Variants in PPP1R16B observed in about 807,000 individuals in gnomAD.
The protein encoded by PPP1R16B is protein phosphatase 1 regulatory subunit 16B, also known as protein phosphatase 1 regulatory inhibitor subunit 16B.
A neutral mutation model predicts 61.7 loss-of-function variants in PPP1R16B; 14 were observed. That is an observed-to-expected ratio of 0.23 (90% CI 0.15 to 0.35). The LOEUF (loss-of-function observed/expected upper bound fraction) is 0.35, where lower values mean the gene tolerates loss of function less well. Among genes scored for constraint, PPP1R16B ranks in the 10% least tolerant of loss-of-function variants. The pLI, the probability that PPP1R16B is intolerant of heterozygous loss-of-function variation, is 1.00. For missense variants in PPP1R16B, 547 were observed against 752.5 expected, an observed-to-expected ratio of 0.73 and a Z score of 3.19; for synonymous variants, 266 against 305.3, an observed-to-expected ratio of 0.87 and a Z score of 1.34.
intron 4 of PPP1R16B, 27 bp downstream of exon 4, chr20:38,895,737 A>G: frequency 1.3e-6 from 2 of 1,598,408 alleles, no homozygotes; most frequent in Non-Finnish European, 1.7e-6. Context: ...GCCCCAGAGC[A>G]GCCTCCCTCC....
In PPP1R16B at chr20:38,906,088, G is replaced by C; in HGVS notation, c.816G>C (p.Trp272Cys). Residue 272 changes from tryptophan to cysteine, a missense_variant, in exon 7 of 11, where the codon TGG becomes TGC. Trp to Cys is a radical substitution (Grantham distance 215). Transcript: ENST00000299824. ...GWEPLHAAAF[W>C]GQMQMAELLV... is the part of the protein sequence containing the mutation. ...AGCCCCTGCATGCAGCTGCCTTCTG[G>C]GGACAGGTAGTTCTCACCCACAGGG... The C allele has an allele frequency of 6.2e-7, 1 of 1,612,596 alleles. No individual in the cohort carries two copies. Among genetic ancestry groups the C allele is most frequent in the Non-Finnish European group, 8.5e-7 (1 of 1,179,768 alleles).
intron 1 of PPP1R16B, among the ~76,000 whole-genome samples, chr20:38,807,886 C>G (rs560988539): frequency 3.2e-4 from 49 of 152,080 alleles, no homozygotes; most frequent in South Asian, 1.2e-3. Context: ...GTGTCAAGGG[C>G]CCCGTGCCAT....
intron 1 of PPP1R16B, among the ~76,000 whole-genome samples, chr20:38,835,277 C>G (rs935310633): frequency 6.6e-6 from 1 of 152,166 alleles, no homozygotes; most frequent in African/African-American, 2.4e-5. Context: ...AATTCTGAGG[C>G]CTTGGATGTT....
chr20:38,897,892 A>G (rs1487014905), intron 4 of PPP1R16B, among the ~76,000 whole-genome samples: 1 of 152,122 alleles, frequency 6.6e-6, no homozygotes, highest in African/African-American at 2.4e-5. Flanking sequence ...GTCCATCTGT[A>G]TGTCTTCTTT....
At chr20:38,877,009 A>T (rs1051040442) in intron 2 of PPP1R16B, among the ~76,000 whole-genome samples, 5 of 151,746 alleles carry the variant, frequency 3.3e-5, no homozygotes, top group Middle Eastern at 3.2e-3. Flanking sequence ...TAAAGTTTTG[A>T]CTCTTTGTTT....
At chr20:38,914,795 G>A (rs1317363624) in intron 10 of PPP1R16B, among the ~76,000 whole-genome samples, 1 of 152,062 alleles carries the variant, frequency 6.6e-6, no homozygotes, top group African/African-American at 2.4e-5. Flanking sequence ...AGCCTCCCAT[G>A]TAGCTGAGCC....
intron 3 of PPP1R16B, among the ~76,000 whole-genome samples, chr20:38,893,106 A>G (rs1043778307): frequency 1.3e-5 from 2 of 152,288 alleles, no homozygotes; most frequent in African/African-American, 4.8e-5. Context: ...AAAAAGAGCA[A>G]TCCTCATAGG....
chr20:38,848,427 C>A (rs1483843003), intron 2 of PPP1R16B, among the ~76,000 whole-genome samples: 1 of 152,222 alleles, frequency 6.6e-6, no homozygotes, highest in Non-Finnish European at 1.5e-5. Context: ...AAGGGTAACT[C>A]TCCAACCTGT....
intron 3 of PPP1R16B, among the ~76,000 whole-genome samples, chr20:38,893,156 C>T (rs6065098): frequency 0.083 from 12,572 of 152,204 alleles, 735 homozygotes; most frequent in Non-Finnish European, 0.11. Context: ...ATGGCCAAAG[C>T]TTAGCAAGCT....
chr20:38,917,776 G>A (rs763774641), intron 10 of PPP1R16B, among the ~76,000 whole-genome samples: 1 of 152,110 alleles, frequency 6.6e-6, no homozygotes, highest in Non-Finnish European at 1.5e-5. Context: ...TATCTCCCCA[G>A]CCCTCAGCTT....
At chr20:38,843,473 T>C (rs984684258) in intron 2 of PPP1R16B, among the ~76,000 whole-genome samples, 1 of 152,242 alleles carries the variant, frequency 6.6e-6, no homozygotes, top group Admixed American at 6.5e-5. Flanking sequence ...TTCCCTGCCA[T>C]GTGGCCCTCT....
At chr20:38,891,383 C>T (rs971172658) in intron 3 of PPP1R16B, among the ~76,000 whole-genome samples, 3 of 151,916 alleles carry the variant, frequency 2.0e-5, no homozygotes, top group East Asian at 1.9e-4. Context: ...AAGCAGCACT[C>T]GATACTGGAT....
intron 4 of PPP1R16B, among the ~76,000 whole-genome samples, chr20:38,897,504 T>C (rs1568680255): frequency 2.0e-5 from 3 of 152,232 alleles, no homozygotes; most frequent in African/African-American, 4.8e-5. Flanking sequence ...CATCCATTCA[T>C]TGATGGACAC....
rs2085573935 is a variant in PPP1R16B at position 38,919,499 on chromosome 20, A to T, written c.*833A>T. On this transcript the variant is annotated 3_prime_UTR_variant, in exon 11 of 11. Transcript: ENST00000299824. Reference sequence around the variant, plus strand: ...AAGGGTGTGGGAGGGGGACAAGGTCAGTATTTACCAAAGTGTATCTGATTT... The same window carrying T: ...AAGGGTGTGGGAGGGGGACAAGGTCTGTATTTACCAAAGTGTATCTGATTT... The T allele has an allele frequency of 6.6e-6, 1 of 152,234 alleles. No individual in the cohort carries two copies. Among genetic ancestry groups the T allele is most frequent in the Non-Finnish European group, 1.5e-5 (1 of 68,042 alleles). 9.4% of individuals were successfully genotyped at this position (152,234 alleles called of 1,614,324 possible).
At chr20:38,867,407 G>A (rs2085097853) in intron 2 of PPP1R16B, among the ~76,000 whole-genome samples, 1 of 152,198 alleles carries the variant, frequency 6.6e-6, no homozygotes, top group African/African-American at 2.4e-5. Flanking sequence ...CTGGGATCTG[G>A]AGCGAGACCA....
Position 38,906,049 on chromosome 20 carries a change from C to G in PPP1R16B, c.777C>G (p.Asp259Glu). ...ATGGAGTGCGTGTGGATGTGAAGGA[C>G]TGGGATGGCTGGGAGCCCCTGCATG... ...LDHGVRVDVK[D>E]WDGWEPLHAA... is the part of the protein sequence containing the mutation. Residue 259 changes from aspartate (D) to glutamate (E), a missense_variant, in exon 7 of 11, where the codon GAC becomes GAG. Asp to Glu is a conservative substitution (Grantham distance 45, BLOSUM62 2). Coordinates refer to ENST00000299824, the MANE Select transcript of PPP1R16B (RefSeq NM_015568.4). The G allele has an allele frequency of 6.2e-7, 1 of 1,613,586 alleles. No individual in the cohort carries two copies.
intron 2 of PPP1R16B, among the ~76,000 whole-genome samples, chr20:38,874,658 G>C (rs988890151): frequency 1.3e-5 from 2 of 152,186 alleles, no homozygotes; most frequent in African/African-American, 4.8e-5. Flanking sequence ...CTTGGGCTCA[G>C]AGCCTGGCAC....
chr20:38,877,024 A>C (rs189061246), intron 2 of PPP1R16B, among the ~76,000 whole-genome samples: 21 of 151,926 alleles, frequency 1.4e-4, no homozygotes, highest in Admixed American at 1.2e-3. Context: ...TTGTTTTTCC[A>C]TTCTATGTTA....
intron 2 of PPP1R16B, among the ~76,000 whole-genome samples, chr20:38,884,387 G>A (rs1171175213): frequency 1.3e-5 from 2 of 152,148 alleles, no homozygotes; most frequent in South Asian, 4.1e-4. Context: ...GAAGACCAGG[G>A]GTCTGCAAAC....
Sources: allele counts gnomAD v4.1 joint callset (sites outside exome capture counted in the v4.1 genomes callset), GRCh38; gene constraint gnomAD v4.1.1; transcripts MANE v1.5; gene names NCBI Gene and HGNC (gene_info 2026-07-23, HGNC 2026-07-21).